The following RPS11 variants were observed in gnomAD, a reference collection of about 807,000 sequenced individuals.
RPS11 encodes the protein small ribosomal subunit protein uS17.
For missense variants in RPS11, 127 were observed against 211.4 expected, an observed-to-expected ratio of 0.60 and a Z score of 2.48; for synonymous variants, 107 against 78.0, an observed-to-expected ratio of 1.37 and a Z score of -1.96.
chr19:49,496,638 G>A, intron 1 of RPS11, 167 bp downstream of exon 1: 1 of 705,380 alleles, frequency 1.4e-6, no homozygotes, highest in East Asian at 2.9e-5. Flanking sequence ...GTTTCTAGAT[G>A]AGTGCTTCCT....
intron 4 of RPS11, chr19:49,498,401 A>G (rs1000428049): frequency 9.9e-6 from 3 of 302,098 alleles, no homozygotes; most frequent in Non-Finnish European, 2.0e-5. Context: ...TGTGTGAAAC[A>G]AAGTTTGCGT....
intron 1 of RPS11, 119 bp from the exon 2 acceptor site, chr19:49,497,075 G>A: frequency 1.6e-6 from 2 of 1,228,814 alleles, no homozygotes; most frequent in Non-Finnish European, 2.3e-6. Context: ...CTTGGACGCC[G>A]GCGCTTTGCA....
At chr19:49,498,747 C>T (rs1217837305) in intron 4 of RPS11, among the ~76,000 whole-genome samples, 2 of 152,134 alleles carry the variant, frequency 1.3e-5, no homozygotes, top group Admixed American at 6.5e-5. Flanking sequence ...AAGACCCTGT[C>T]TCTCCCACAC....
chr19:49,497,424 C>T (rs1239865504), intron 2 of RPS11, 96 bp from the exon 3 acceptor site: 14 of 1,596,740 alleles, frequency 8.8e-6, no homozygotes, highest in Non-Finnish European at 1.2e-5. Context: ...TCTGGGGCTG[C>T]TGGGAATTGT....
In RPS11 at chr19:49,497,235, CAAG is replaced by C. The variant is rs1330384477; in HGVS notation, c.62_64del (p.Lys21del). 1.2e-6 allele frequency: 2 copies of C among 1,614,078 alleles called. No homozygotes were observed. The highest frequency in any genetic ancestry group is 1.7e-6 in the Non-Finnish European group (2 of 1,180,010). ...AAAAGCAGCCGACCATCTTTCAAAA[CAAG>C]AAGAGGGTCCTGCTGGGAGAAACTG... On this transcript the variant is annotated inframe_deletion, in exon 2 of 5. Coordinates refer to ENST00000270625, the MANE Select transcript of RPS11 (RefSeq NM_001015.5).
chr19:49,498,843 G>A (rs1305930801), intron 4 of RPS11, among the ~76,000 whole-genome samples: 1 of 152,176 alleles, frequency 6.6e-6, no homozygotes, highest in Non-Finnish European at 1.5e-5. Context: ...TGAACCAAAA[G>A]GTTAGGATGT....
intron 1 of RPS11, 121 bp from the exon 2 acceptor site, chr19:49,497,073 C>T: frequency 8.2e-7 from 1 of 1,212,838 alleles, no homozygotes; most frequent in Non-Finnish European, 1.2e-6. Context: ...GCCTTGGACG[C>T]CGGCGCTTTG....
At chr19:49,498,355 C>T (rs1601173849) in intron 4 of RPS11, 1 of 377,480 alleles carries the variant, frequency 2.6e-6, no homozygotes, top group Non-Finnish European at 5.1e-6. Flanking sequence ...ATTCACATAG[C>T]CTGAAAGTAG....
intron 2 of RPS11, 32 bp from the exon 3 acceptor site, chr19:49,497,488 G>A: frequency 1.2e-6 from 2 of 1,610,354 alleles, no homozygotes; most frequent in Non-Finnish European, 1.7e-6. Context: ...GCCCGCCCAA[G>A]GCTCACTCCT....
At chr19:49,499,438 G>C (rs555336453) in intron 4 of RPS11, 74 bp from the exon 5 acceptor site, 1 of 1,537,016 alleles carries the variant, frequency 6.5e-7, no homozygotes, top group African/African-American at 1.4e-5. Context: ...TTAGCCTGGT[G>C]AAGGGGAGGG....
rs2079906738 is a variant in RPS11 at position 49,496,478 on chromosome 19, A to T, written c.15+7A>T. On this transcript the variant is annotated splice_region_variant and intron_variant, in intron 1 of 4. Transcript: ENST00000270625. ...GAAGATGGCGGACATTCAGGTGCGG[A>T]CTCGGGGTTGGATGCCAGGGTGCGG... 6.2e-7 allele frequency: 1 copy of T among 1,610,044 alleles called. No individual in the cohort carries two copies. Among genetic ancestry groups the T allele is most frequent in the Non-Finnish European group, 8.5e-7 (1 of 1,178,320 alleles).
intron 1 of RPS11, 157 bp from the exon 2 acceptor site, chr19:49,497,037 C>A: frequency 1.3e-6 from 1 of 746,196 alleles, no homozygotes; most frequent in Non-Finnish European, 2.2e-6. Context: ...GTGGTCATGT[C>A]TTAGAGGGTG....
chr19:49,496,540 C>T, intron 1 of RPS11, 69 bp downstream of exon 1: 1 of 1,501,944 alleles, frequency 6.7e-7, no homozygotes, highest in Non-Finnish European at 9.0e-7. Context: ...TCCGGGAGGG[C>T]AGAGCCCGGC....
intron 3 of RPS11, 114 bp from the exon 4 acceptor site, chr19:49,497,803 G>A: frequency 6.8e-7 from 1 of 1,477,304 alleles, no homozygotes; most frequent in Non-Finnish European, 9.5e-7. Context: ...ACTGATGCCG[G>A]AAATGGGGCT....
At chr19:49,498,156 T>G in intron 4 of RPS11, 110 bp downstream of exon 4, 1 of 1,216,440 alleles carries the variant, frequency 8.2e-7, no homozygotes, top group Non-Finnish European at 1.2e-6. Context: ...AGGTGGCATC[T>G]CTGGGAAGCC....
chr19:49,497,653 G>T (rs60740889), intron 3 of RPS11, 58 bp downstream of exon 3: 45 of 1,501,266 alleles, frequency 3.0e-5, no homozygotes, highest in Non-Finnish European at 4.2e-5. Flanking sequence ...GGGTCTTGGG[G>T]CCCAGACTCC....
At chr19:49,499,487 G>C in intron 4 of RPS11, 25 bp from the exon 5 acceptor site, 1 of 1,609,466 alleles carries the variant, frequency 6.2e-7, no homozygotes, top group Non-Finnish European at 8.5e-7. Flanking sequence ...CCCTCCTGAG[G>C]ACATGGCCCT....
At chr19:49,496,647 C>T in intron 1 of RPS11, 176 bp downstream of exon 1, 1 of 674,286 alleles carries the variant, frequency 1.5e-6, no homozygotes, top group Middle Eastern at 3.4e-4. Flanking sequence ...TGAGTGCTTC[C>T]TAATTCCTGG....
At position 49,498,147 on chromosome 19, in the gene RPS11, G is replaced by A; in HGVS notation, c.353+101G>A. The stretch of plus-strand genomic sequence containing the variant: ...GCCAACTGAGGGAGGGAAAGACTGA[G>A]GTGGCATCTCTGGGAAGCCCCAGAA... On this transcript the variant is annotated intron_variant, in intron 4 of 4. Transcript: ENST00000270625. 3.8e-6 allele frequency: 5 copies of A among 1,333,124 alleles called. No homozygotes were observed. The Admixed American group carries it at 5.1e-5, about 14-fold the overall frequency. 82.6% of individuals were successfully genotyped at this position (1,333,124 alleles called of 1,614,324 possible). A position where few individuals can be genotyped will look rare whatever the true frequency, so the allele number is the denominator to read the frequency against.
Sources: gnomAD v4.1 joint callset for allele counts (sites outside exome capture counted in the v4.1 genomes callset) on GRCh38, gnomAD v4.1.1 for gene constraint, MANE v1.5 for transcripts, NCBI Gene and HGNC (gene_info 2026-07-23, HGNC 2026-07-21) for gene names.